CHODL: variants seen among roughly 807,000 people sequenced by gnomAD.
The protein encoded by CHODL is transmembrane protein MT75.
Under a neutral mutation model 34.5 loss-of-function variants are expected in CHODL, and 29 were observed. The observed-to-expected ratio is 0.84, with a 90% CI of 0.63 to 1.15. CHODL has a LOEUF of 1.15. Among genes scored for constraint, CHODL ranks in the 50% most tolerant of loss-of-function variants. CHODL has a pLI of 0.00. For synonymous variants in CHODL, 125 were observed against 116.1 expected, an observed-to-expected ratio of 1.08 and a Z score of -0.49; for missense variants, 332 against 332.5, an observed-to-expected ratio of 1.00 and a Z score of 0.01.
At chr21:17,989,618 T>C (rs1389492756) in intron 1 of CHODL, among the ~76,000 whole-genome samples, 1 of 152,166 alleles carries the variant, frequency 6.6e-6, no homozygotes, top group East Asian at 1.9e-4. Context: ...TGTGTTTGTA[T>C]TTAAATCTGC....
chr21:17,967,832 C>T (rs1382898109), intron 1 of CHODL, among the ~76,000 whole-genome samples: 3 of 151,980 alleles, frequency 2.0e-5, no homozygotes, highest in Non-Finnish European at 4.4e-5. Context: ...TTGTTGCATA[C>T]CTACTATGTG....
chr21:18,120,394 C>G (rs1244014744), intron 2 of CHODL, among the ~76,000 whole-genome samples: 1 of 152,084 alleles, frequency 6.6e-6, no homozygotes, highest in South Asian at 2.1e-4. Context: ...ATAATATTGT[C>G]TAAGTTTATT....
chr21:17,984,697 G>A (rs2063740057), intron 1 of CHODL, among the ~76,000 whole-genome samples: 1 of 151,842 alleles, frequency 6.6e-6, no homozygotes, highest in Non-Finnish European at 1.5e-5. Context: ...GTGTGGAAAG[G>A]CTTTCCCCAG....
intron 1 of CHODL, among the ~76,000 whole-genome samples, chr21:18,025,998 A>T (rs2064171345): frequency 6.6e-6 from 1 of 152,118 alleles, no homozygotes; most frequent in South Asian, 2.1e-4. Context: ...TCAACATATA[A>T]ATTTTGGGTG....
chr21:18,117,491 T>A (rs562503556), intron 2 of CHODL, among the ~76,000 whole-genome samples: 1 of 152,290 alleles, frequency 6.6e-6, no homozygotes, highest in African/African-American at 2.4e-5. Context: ...GCTTAATGTG[T>A]ACAATATACA....
rs1491294559 is a variant in CHODL, at chr21:18,249,105, TAA to T, written c.79+3804_79+3805del. 4.9e-3 allele frequency among the ~76,000 whole-genome samples: 623 copies of T among 126,042 alleles called. 11 individuals carry two copies. Among genetic ancestry groups the T allele is most frequent in the African/African-American group, 0.019 (593 of 31,018 alleles). 82.7% of individuals were successfully genotyped at this position (126,042 alleles called of 152,430 possible). On this transcript the variant is annotated intron_variant, in intron 1 of 5. Transcript: ENST00000299295. ...TATATAATAAAATATATATATATAA[TAA>T]TATATATATAATAAAATACATATAT...
rs537534150 is a variant in CHODL, at chr21:18,113,232, C to G, written c.-45+85261C>G. 4.0e-4 allele frequency among the ~76,000 whole-genome samples: 61 copies of G among 152,228 alleles called. No homozygotes were observed. The South Asian group carries it at 8.7e-3, about 22-fold the overall frequency. On this transcript the variant is annotated intron_variant, in intron 2 of 6. Transcript: ENST00000400127. Reference sequence around the variant, plus strand: ...ACTACAGTGAGATATCATCTCACCTCAGTTATAAAAGACAGGCAATAACAA... The same window carrying G: ...ACTACAGTGAGATATCATCTCACCTGAGTTATAAAAGACAGGCAATAACAA...
intron 1 of CHODL, among the ~76,000 whole-genome samples, chr21:17,966,248 T>C (rs2063571075): frequency 6.6e-6 from 1 of 152,124 alleles, no homozygotes; most frequent in South Asian, 2.1e-4. Flanking sequence ...GTAAACACAG[T>C]TTAGAAAAAT....
chr21:18,165,127 G>A (rs555906881), intron 2 of CHODL, among the ~76,000 whole-genome samples: 1 of 152,104 alleles, frequency 6.6e-6, no homozygotes, highest in East Asian at 1.9e-4. Context: ...CTAGATGTCA[G>A]TAGTGTTCCC....
intron 1 of CHODL, among the ~76,000 whole-genome samples, chr21:18,015,591 T>C (rs158061): frequency 0.03 from 4,496 of 152,144 alleles, 208 homozygotes; most frequent in African/African-American, 0.1. Flanking sequence ...GGCAGAGGGT[T>C]GAACAACTTG....
chr21:17,929,727 G>A (rs755254337), intron 1 of CHODL, among the ~76,000 whole-genome samples: 7 of 152,252 alleles, frequency 4.6e-5, no homozygotes, highest in African/African-American at 7.2e-5. Flanking sequence ...CGGAGATTGC[G>A]CAGAGGCACT....
Position 18,009,883 on chromosome 21 carries a change from G to A in CHODL, c.-144-17989G>A, listed in dbSNP as rs184316699. 9.4e-3 allele frequency among the ~76,000 whole-genome samples: 612 copies of A among 65,188 alleles called. 12 individuals are homozygous for A. Among genetic ancestry groups the A allele is most frequent in the African/African-American group, 0.075 (541 of 7,176 alleles). 42.8% of individuals were successfully genotyped at this position (65,188 alleles called of 152,430 possible). On this transcript the variant is annotated intron_variant, in intron 1 of 6. Coordinates refer to the CHODL transcript ENST00000400127. ...AGCCTGGGCGACAGAGCCAGACTCC[G>A]TCTCAAAAAAAAAAAAATAACATTT...
chr21:17,961,884 G>A (rs192961906), intron 1 of CHODL, among the ~76,000 whole-genome samples: 23 of 152,294 alleles, frequency 1.5e-4, no homozygotes, highest in Admixed American at 3.3e-4. Context: ...GGAGAAGAAA[G>A]GGTCTAGTAT....
intron 2 of CHODL, among the ~76,000 whole-genome samples, chr21:18,214,471 T>G (rs760839499): frequency 1.3e-5 from 2 of 152,092 alleles, no homozygotes; most frequent in Non-Finnish European, 2.9e-5. Flanking sequence ...CCAATAAATG[T>G]CTATTCAATC....
intron 1 of CHODL, among the ~76,000 whole-genome samples, chr21:17,988,349 G>T (rs2063769832): frequency 1.3e-5 from 2 of 148,156 alleles, no homozygotes; most frequent in African/African-American, 5.0e-5. Context: ...CTGGTTTATT[G>T]GTTATTGTTT....
At chr21:18,051,003 C>T (rs1359609295) in intron 2 of CHODL, among the ~76,000 whole-genome samples, 5 of 151,162 alleles carry the variant, frequency 3.3e-5, no homozygotes, top group East Asian at 3.9e-4. Context: ...TAGGTATACA[C>T]GTGCCATGGT....
At position 18,266,331 on chromosome 21, in the gene CHODL, A is replaced by T; in HGVS notation, c.*293A>T. The T allele has an allele frequency of 2.7e-6, 2 of 751,914 alleles. No homozygotes were observed. Among genetic ancestry groups the T allele is most frequent in the Non-Finnish European group, 4.1e-6 (2 of 490,354 alleles). 46.6% of individuals were successfully genotyped at this position (751,914 alleles called of 1,614,324 possible). A position where few individuals can be genotyped will look rare whatever the true frequency, so the allele number is the denominator to read the frequency against. ...ATAAAGTTGTTATCAACACGTCGGG[A>T]GTATGTGTGTTAGAAGCAATTCCTT... On this transcript the variant is annotated 3_prime_UTR_variant, in exon 6 of 6. Transcript: ENST00000299295.
intron 2 of CHODL, among the ~76,000 whole-genome samples, chr21:18,109,661 T>C (rs2065322950): frequency 6.6e-6 from 1 of 152,212 alleles, no homozygotes; most frequent in Non-Finnish European, 1.5e-5. Flanking sequence ...TCAGCAAATC[T>C]TTATATATGT....
At position 17,992,718 on chromosome 21, in the gene CHODL, G is replaced by GT. The variant is rs869044440; in HGVS notation, c.-144-35129dup. 2.3e-3 allele frequency among the ~76,000 whole-genome samples: 130 copies of GT among 57,226 alleles called. 6 individuals are homozygous for GT. The highest frequency in any genetic ancestry group is 4.3e-3 in the African/African-American group (66 of 15,290). 37.5% of individuals were successfully genotyped at this position (57,226 alleles called of 152,430 possible). On this transcript the variant is annotated intron_variant, in intron 1 of 6. Transcript: ENST00000400127. ...AGTTCTCAGAGTTTCTGGTGGAGTTGTTTTTTTTTTTTTTTTTTTTTTTTT... is the reference window on the plus strand; with the variant it reads ...AGTTCTCAGAGTTTCTGGTGGAGTTGTTTTTTTTTTTTTTTTTTTTTTTTTT...
Sources: gnomAD v4.1 joint callset for allele counts (sites outside exome capture counted in the v4.1 genomes callset) on GRCh38, gnomAD v4.1.1 for gene constraint, MANE v1.5 for transcripts, NCBI Gene and HGNC (gene_info 2026-07-23, HGNC 2026-07-21) for gene names.